The following ZNF778 variants were observed in gnomAD, a reference collection of about 807,000 sequenced individuals.
ZNF778 encodes the protein zinc finger protein 778.
Under a neutral mutation model 23.9 loss-of-function variants are expected in ZNF778, and 37 were observed. The observed-to-expected ratio is 1.54, with a 90% CI of 1.19 to 2.03. The LOEUF (loss-of-function observed/expected upper bound fraction) is 2.03. ZNF778 is among the 30% of genes most tolerant of loss of function. ZNF778 has a pLI of 0.00. For missense variants in ZNF778, 1,297 were observed against 934.4 expected (o/e 1.39, Z -5.06); for synonymous variants, 483 against 343.9 (o/e 1.40, Z -4.48).
At position 89,229,127 on chromosome 16, in the gene ZNF778, C is replaced by G. The variant is rs1257461066; in HGVS notation, c.*565C>G. 2.0e-6 allele frequency: 2 copies of G among 986,036 alleles called. No individual in the cohort carries two copies. Among genetic ancestry groups the G allele is most frequent in the Non-Finnish European group, 2.4e-6 (2 of 830,496 alleles). The allele number at this position is 986,036 out of a possible 1,614,324, so 61.1% of individuals were successfully genotyped here. On this transcript the variant is annotated 3_prime_UTR_variant, in exon 7 of 7. Coordinates refer to ENST00000433976, the MANE Select transcript of ZNF778 (RefSeq NM_001201407.2). ...GGACTCTGTTCCCTGTAGAAATCCT[C>G]CAGTCTGGTTGCTACAGTGTCCACG...
At position 89,221,099 on chromosome 16, in the gene ZNF778, C is replaced by G. The variant is rs766860569; in HGVS notation, c.-29C>G. ...AGTGGCCTTGGCTTCAGGAAAGGAG[C>G]ATTCAGACGCTTCCGTCAGCCTCCC... is the stretch of plus-strand genomic sequence containing the variant. On this transcript the variant is annotated 5_prime_UTR_variant, in exon 2 of 7. Coordinates refer to ENST00000433976, the MANE Select transcript of ZNF778 (RefSeq NM_001201407.2). 1 of 1,563,182 alleles carries G rather than the reference C, an allele frequency of 6.4e-7. No individual in the cohort carries two copies. The highest frequency in any genetic ancestry group is 8.7e-7 in the Non-Finnish European group (1 of 1,153,412).
rs988601071 is a variant in ZNF778, at chr16:89,228,704, C to T, written c.*142C>T. ...CACAACCCGGCAGGCAGGAACTCAC[C>T]CTGGAGCCCTATGCAGCAGACACAG... On this transcript the variant is annotated 3_prime_UTR_variant, in exon 7 of 7. Transcript: ENST00000433976. The T allele has an allele frequency of 2.2e-5, 32 of 1,454,534 alleles. No individual in the cohort carries two copies. In the African/African-American group the frequency reaches 4.6e-4, roughly 21 times the overall value. 90.1% of individuals were successfully genotyped at this position (1,454,534 alleles called of 1,614,324 possible). A position where few individuals can be genotyped will look rare whatever the true frequency, so the allele number is the denominator to read the frequency against.
Position 89,227,962 on chromosome 16 carries a change from G to A in ZNF778, c.1674G>A (p.Glu558=). The change falls in exon 7 of 7, where the codon GAG becomes GAA. Residue 558 remains glutamate (E), a synonymous_variant. Coordinates refer to ENST00000433976, the MANE Select transcript of ZNF778 (RefSeq NM_001201407.2). ...LNEHVKTHTE[E]KPFICTVCRK... The stretch of plus-strand genomic sequence containing the variant: ...AGCATGTGAAAACTCACACAGAGGA[G>A]AAGCCCTTTATATGTACGGTATGCA... 6.3e-7 allele frequency: 1 copy of A among 1,590,088 alleles called. No individual in the cohort carries two copies. Among genetic ancestry groups the A allele is most frequent in the African/African-American group, 1.3e-5 (1 of 74,444 alleles).
At position 89,217,739 on chromosome 16, in the gene ZNF778, T is replaced by C. The variant is rs916789519; in HGVS notation, c.-303T>C. The C allele has an allele frequency of 6.6e-6, 1 of 152,210 alleles. No homozygotes were observed. Among genetic ancestry groups the C allele is most frequent in the Non-Finnish European group, 1.5e-5 (1 of 68,016 alleles). 9.4% of individuals were successfully genotyped at this position (152,210 alleles called of 1,614,324 possible). A position where few individuals can be genotyped will look rare whatever the true frequency, so the allele number is the denominator to read the frequency against. On this transcript the variant is annotated 5_prime_UTR_variant, in exon 1 of 7. Transcript: ENST00000433976. The stretch of plus-strand genomic sequence containing the variant: ...CTGATCCGGTTCTTGCGGCGGTGCG[T>C]GCTGGCGCCGGAGAGTTCCGCGCGT...
chr16:89,226,899 G>C lies in ZNF778; in HGVS notation c.611G>C (p.Gly204Ala), dbSNP rs2031520513. The C allele has an allele frequency of 6.2e-7, 1 of 1,613,888 alleles. No individual in the cohort carries two copies. Among genetic ancestry groups the C allele is most frequent in the Non-Finnish European group, 8.5e-7 (1 of 1,179,904 alleles). Residue 204 changes from glycine (G) to alanine (A), a missense_variant, in exon 7 of 7, where the codon GGA becomes GCA. Coordinates refer to ENST00000433976, the MANE Select transcript of ZNF778 (RefSeq NM_001201407.2). ...CAGTTTTCCGTGTTGGGTCAGTGTG[G>C]AAAAGCCTTCAGCTCTACTCCAAAT... ...GEQFSVLGQC[G>A]KAFSSTPNVV...
chr16:89,221,384 A>G (rs1305182246), intron 2 of ZNF778, among the ~76,000 whole-genome samples: 2 of 152,172 alleles, frequency 1.3e-5, no homozygotes, highest in Non-Finnish European at 2.9e-5. Flanking sequence ...ATGAAGAGTC[A>G]CGTTCCTCAA....
At position 89,228,013 on chromosome 16, in the gene ZNF778, C is replaced by T. The variant is rs139372503; in HGVS notation, c.1725C>T (p.Cys575=). 5.2e-5 allele frequency: 83 copies of T among 1,589,056 alleles called. No homozygotes were observed. Among genetic ancestry groups the T allele is most frequent in the Non-Finnish European group, 6.3e-5 (73 of 1,164,572 alleles). The change falls in exon 7 of 7, where the codon TGC becomes TGT. Residue 575 remains cysteine (C), a synonymous_variant. Coordinates refer to ENST00000433976, the MANE Select transcript of ZNF778 (RefSeq NM_001201407.2). The part of the protein sequence containing the change: ...VCRKSFRNSS[C]LNKHIQIHTG... ...GGAAATCCTTCAGAAATTCCTCGTG[C>T]CTGAATAAGCACATTCAGATTCACA...
rs373132392 is a variant in ZNF778, at chr16:89,227,770, G to C, written c.1482G>C (p.Glu494Asp). ...TCACTGTTTCTTCAAGCCTGACTGAGCACGCGAGAATCCATACCGGAGAGA... is the reference window on the plus strand; with the variant it reads ...TCACTGTTTCTTCAAGCCTGACTGACCACGCGAGAATCCATACCGGAGAGA... ...KSFTVSSSLT[E>D]HARIHTGEKP... Residue 494 changes from glutamate to aspartate, a missense_variant, in exon 7 of 7, where the codon GAG (glutamate) becomes GAC (aspartate). Physicochemically the swap from Glu to Asp is conservative, Grantham distance 45. Transcript: ENST00000433976. 6.2e-7 allele frequency: 1 copy of C among 1,613,016 alleles called. No homozygotes were observed.
In ZNF778 at chr16:89,228,079, A is replaced by G. The variant is rs780833981; in HGVS notation, c.1791A>G (p.Thr597=). 18 of 1,612,506 alleles carry G rather than the reference A, an allele frequency of 1.1e-5. No homozygotes were observed. Among genetic ancestry groups the G allele is most frequent in the Non-Finnish European group, 1.5e-5 (18 of 1,179,096 alleles). Residue 597 remains threonine (T), a synonymous_variant, in exon 7 of 7, where the codon ACA becomes ACG. Coordinates refer to ENST00000433976, the MANE Select transcript of ZNF778 (RefSeq NM_001201407.2). ...KPYECKDCGK[T]FTVSSSLTEH... Reference sequence around the variant, plus strand: ...ATGAATGTAAGGACTGTGGGAAAACATTCACTGTTTCTTCGAGCCTAACCG... The same window carrying G: ...ATGAATGTAAGGACTGTGGGAAAACGTTCACTGTTTCTTCGAGCCTAACCG...
chr16:89,230,151 T>TC lies in ZNF778; in HGVS notation c.*1589_*1590insC. On this transcript the variant is annotated 3_prime_UTR_variant, in exon 7 of 7. Coordinates refer to ENST00000433976, the MANE Select transcript of ZNF778 (RefSeq NM_001201407.2). ...TGGGGCATAACACAGCTCTACATTT[T>TC]ATGAAAATGCCCTTGTTCCTCTCCC... 2 of 622,994 alleles carry TC rather than the reference T, an allele frequency of 3.2e-6. No homozygotes were observed. Among genetic ancestry groups the TC allele is most frequent in the Non-Finnish European group, 4.0e-6 (2 of 500,160 alleles). 38.6% of individuals were successfully genotyped at this position (622,994 alleles called of 1,614,324 possible).
chr16:89,230,000 C>T lies in ZNF778; in HGVS notation c.*1438C>T, dbSNP rs1597367692. 2.0e-6 allele frequency: 2 copies of T among 982,248 alleles called. No homozygotes were observed. Among genetic ancestry groups the T allele is most frequent in the Non-Finnish European group, 1.2e-6 (1 of 827,234 alleles). 60.8% of individuals were successfully genotyped at this position (982,248 alleles called of 1,614,324 possible). ...GGATCCAGATGTGATCCTGTGTGAGCAGTGTAGGCTCTGGTTGGTTAGTCT... is the reference window on the plus strand; with the variant it reads ...GGATCCAGATGTGATCCTGTGTGAGTAGTGTAGGCTCTGGTTGGTTAGTCT... On this transcript the variant is annotated 3_prime_UTR_variant, in exon 7 of 7. Coordinates refer to ENST00000433976, the MANE Select transcript of ZNF778 (RefSeq NM_001201407.2).
Position 89,229,488 on chromosome 16 carries a change from G to A in ZNF778, c.*926G>A. ...GTGTGAGCAGCGTAGGCTCTGGTTG[G>A]TTAGTCTTGAGGATCCAGATGTGAT... is the stretch of plus-strand genomic sequence containing the variant. On this transcript the variant is annotated 3_prime_UTR_variant, in exon 7 of 7. Coordinates refer to ENST00000433976, the MANE Select transcript of ZNF778 (RefSeq NM_001201407.2). 1 of 975,836 alleles carries A rather than the reference G, an allele frequency of 1.0e-6. No individual in the cohort carries two copies. The highest frequency in any genetic ancestry group is 1.2e-6 in the Non-Finnish European group (1 of 827,428). The allele number at this position is 975,836 out of a possible 1,614,324, so 60.4% of individuals were successfully genotyped here.
rs1255727384 is a variant in ZNF778 at position 89,231,428 on chromosome 16, G to A, written c.*2866G>A. 1 of 152,232 alleles carries A rather than the reference G, an allele frequency of 6.6e-6. No homozygotes were observed. The highest frequency in any genetic ancestry group is 1.5e-5 in the Non-Finnish European group (1 of 68,092). 9.4% of individuals were successfully genotyped at this position (152,232 alleles called of 1,614,324 possible). On this transcript the variant is annotated 3_prime_UTR_variant, in exon 7 of 7. Transcript: ENST00000433976. ...CACCACCCTGCCTGATATGCCCACT[G>A]TTGGTGGAGACATCACCCCAGCACA...
rs543647423 is a variant in ZNF778, at chr16:89,236,562, C to T, written c.*8000C>T. ...AAATACCTGAGTAAATAGATCAGAT[C>T]ATTCTACTCTTGAGTTCTTTAAAAT... On this transcript the variant is annotated 3_prime_UTR_variant, in exon 7 of 7. Coordinates refer to ENST00000433976, the MANE Select transcript of ZNF778 (RefSeq NM_001201407.2). 1 of 152,140 alleles carries T rather than the reference C, an allele frequency of 6.6e-6. No individual in the cohort carries two copies. The highest frequency in any genetic ancestry group is 6.5e-5 in the Admixed American group (1 of 15,270). 9.4% of individuals were successfully genotyped at this position (152,140 alleles called of 1,614,324 possible). A position where few individuals can be genotyped will look rare whatever the true frequency, so the allele number is the denominator to read the frequency against.
intron 5 of ZNF778, 141 bp from the exon 6 acceptor site, chr16:89,225,414 C>T (rs1218773777): frequency 5.0e-6 from 3 of 604,840 alleles, no homozygotes; most frequent in African/African-American, 1.9e-5. Context: ...ATTATGACTC[C>T]CAGTTCCTAT....
chr16:89,227,875 G>T lies in ZNF778; in HGVS notation c.1587G>T (p.Gly529=), dbSNP rs368252137. Residue 529 remains glycine (G), a synonymous_variant, in exon 7 of 7, where the codon GGG becomes GGT. Coordinates refer to ENST00000433976, the MANE Select transcript of ZNF778 (RefSeq NM_001201407.2). Reference sequence around the variant, plus strand: ...CTAAACACATGCGGACACACACCGGGGAGAAGCCCTATGAATGTAAGGACT... The same window carrying T: ...CTAAACACATGCGGACACACACCGGTGAGAAGCCCTATGAATGTAAGGACT... ...GLTKHMRTHT[G]EKPYECKDCG... is the part of the protein sequence containing the mutation. 1.6e-5 allele frequency: 25 copies of T among 1,610,484 alleles called. No individual in the cohort carries two copies. The African/African-American group carries it at 3.2e-4, about 21-fold the overall frequency.
chr16:89,232,165 A>G lies in ZNF778; in HGVS notation c.*3603A>G, dbSNP rs1054494653. 1 of 165,832 alleles carries G rather than the reference A, an allele frequency of 6.0e-6. No individual in the cohort carries two copies. The highest frequency in any genetic ancestry group is 2.4e-5 in the African/African-American group (1 of 41,574). The allele number at this position is 165,832 out of a possible 1,614,324, so 10.3% of individuals were successfully genotyped here. ...TGGGGGCACCCTCCTGAATGGTTGGATACCATTCATTCTTGCTGTGTCAAG... is the reference window on the plus strand; with the variant it reads ...TGGGGGCACCCTCCTGAATGGTTGGGTACCATTCATTCTTGCTGTGTCAAG... On this transcript the variant is annotated 3_prime_UTR_variant, in exon 7 of 7. Coordinates refer to ENST00000433976, the MANE Select transcript of ZNF778 (RefSeq NM_001201407.2).
At chr16:89,221,507 CTGTG>C (rs1469946495) in intron 2 of ZNF778, among the ~76,000 whole-genome samples, 2 of 151,950 alleles carry the variant, frequency 1.3e-5, no homozygotes, top group African/African-American at 4.8e-5. Context: ...CACTGTATGG[CTGTG>C]TGTGTGTCTG....
In ZNF778 at chr16:89,235,777, AATG is replaced by A. The variant is rs1302978975; in HGVS notation, c.*7220_*7222del. On this transcript the variant is annotated 3_prime_UTR_variant, in exon 7 of 7. Transcript: ENST00000433976. Reference sequence around the variant, plus strand: ...ATGTAGTAAAACCACTTGAAAAAATAATGATGAAACATTTCTCATATTTGGTGT... The same window carrying A: ...ATGTAGTAAAACCACTTGAAAAAATAATGAAACATTTCTCATATTTGGTGT... The A allele has an allele frequency of 1.3e-5, 2 of 152,226 alleles. No homozygotes were observed. The highest frequency in any genetic ancestry group is 2.9e-5 in the Non-Finnish European group (2 of 68,042). 9.4% of individuals were successfully genotyped at this position (152,226 alleles called of 1,614,324 possible). A position where few individuals can be genotyped will look rare whatever the true frequency, so the allele number is the denominator to read the frequency against.
Sources: gnomAD v4.1 joint callset for allele counts (sites outside exome capture counted in the v4.1 genomes callset) on GRCh38, gnomAD v4.1.1 for gene constraint, MANE v1.5 for transcripts, NCBI Gene and HGNC (gene_info 2026-07-23, HGNC 2026-07-21) for gene names.